The following ATAD2B variants were observed in gnomAD, a reference collection of about 807,000 sequenced individuals.
The protein encoded by ATAD2B is ATPase family AAA domain containing 2B.
ATAD2B carries 40 observed loss-of-function variants against 167.6 expected under a neutral mutation model. The observed-to-expected ratio is 0.24, with a 90% CI of 0.19 to 0.31. ATAD2B has a LOEUF of 0.31. Among genes scored for constraint, ATAD2B ranks in the 10% least tolerant of loss-of-function variants. The pLI, the probability that ATAD2B is intolerant of heterozygous loss-of-function variation, is 1.00. For missense variants in ATAD2B, 1,242 were observed against 1,757.2 expected, an observed-to-expected ratio of 0.71 and a Z score of 5.24; for synonymous variants, 579 against 596.5, an observed-to-expected ratio of 0.97 and a Z score of 0.43.
chr2:23,711,342 CTTTTTTTTTTTTTTTTTTTTTTTTTTT>C, the ATAD2B span, among the ~76,000 whole-genome samples: 18 of 79,792 alleles, frequency 2.3e-4, no homozygotes, highest in African/African-American at 7.9e-4. Flanking sequence ...GAATTTCTTT[CTTTTTTTTTTTTTTTTTTTTTTTTTTT>C]TTTTTTTTTT....
At chr2:23,879,050 A>G (rs1411380222) in intron 7 of ATAD2B, among the ~76,000 whole-genome samples, 1 of 152,178 alleles carries the variant, frequency 6.6e-6, no homozygotes, top group Non-Finnish European at 1.5e-5. Context: ...GCTCTCATAC[A>G]CTCTTAGTGA....
intron 1 of ATAD2B, among the ~76,000 whole-genome samples, chr2:23,897,039 A>C (rs546024810): frequency 6.6e-6 from 1 of 152,318 alleles, no homozygotes; most frequent in Non-Finnish European, 1.5e-5. Flanking sequence ...CTGAAGCACA[A>C]GAATCACTCA....
At chr2:23,683,278 C>G in the ATAD2B span, among the ~76,000 whole-genome samples, 1 of 152,220 alleles carries the variant, frequency 6.6e-6, no homozygotes, top group Non-Finnish European at 1.5e-5. Flanking sequence ...ACACACCTGC[C>G]AAGGGAAATC....
chr2:23,739,364 T>C, the ATAD2B span, among the ~76,000 whole-genome samples: 1 of 152,098 alleles, frequency 6.6e-6, no homozygotes, highest in Non-Finnish European at 1.5e-5. Flanking sequence ...CAGACCACAG[T>C]GCAATCAAAC....
intron 19 of ATAD2B, among the ~76,000 whole-genome samples, chr2:23,793,223 TACTTTCATCAGCATA>T (rs1572775309): frequency 6.6e-6 from 1 of 152,178 alleles, no homozygotes; most frequent in East Asian, 1.9e-4. Context: ...TATGTAATCT[TACTTTCATCAGCATA>T]GCTGAGGAAT....
At chr2:23,889,782 G>C (rs913257589) in intron 2 of ATAD2B, among the ~76,000 whole-genome samples, 1 of 151,788 alleles carries the variant, frequency 6.6e-6, no homozygotes, top group Non-Finnish European at 1.5e-5. Context: ...TGCTGGGCGT[G>C]GTGGCGGGCA....
In ATAD2B at chr2:23,807,824, A is replaced by AT. The variant is rs1384785560; in HGVS notation, c.2454+2491_2454+2492insA. 6.0e-3 allele frequency among the ~76,000 whole-genome samples: 767 copies of AT among 127,368 alleles called. 5 individuals carry two copies. The highest frequency in any genetic ancestry group is 0.018 in the African/African-American group (608 of 33,152). The allele number at this position is 127,368 out of a possible 152,430, so 83.6% of individuals were successfully genotyped here. ...GAGCGTGACTCCATCTTAAAAAAAA[A>AT]AAAAATATATATATATATATAATAA... On this transcript the variant is annotated intron_variant, in intron 18 of 27. Coordinates refer to ENST00000238789, the MANE Select transcript of ATAD2B (RefSeq NM_017552.4).
At chr2:23,683,183 A>G in the ATAD2B span, among the ~76,000 whole-genome samples, 1 of 152,212 alleles carries the variant, frequency 6.6e-6, no homozygotes, top group African/African-American at 2.4e-5. Flanking sequence ...GCCCATGTGG[A>G]CAGCAACAAC....
At position 23,901,877 on chromosome 2, in the gene ATAD2B, T is replaced by C. The variant is rs528732160; in HGVS notation, c.217-5907A>G. 1.1e-4 allele frequency among the ~76,000 whole-genome samples: 16 copies of C among 152,244 alleles called. No homozygotes were observed. In the South Asian group the frequency reaches 1.9e-3, roughly 18 times the overall value. ...CTCTGGAAATAAGTACTATGTACCA[T>C]TGAACTGAAGACAAAAAAAAAAGTA... On this transcript the variant is annotated intron_variant, in intron 1 of 27. Transcript: ENST00000238789.
the ATAD2B span, chr2:23,703,767 T>C: frequency 6.5e-7 from 1 of 1,537,338 alleles, no homozygotes; most frequent in Middle Eastern, 1.7e-4. Flanking sequence ...GTTTTCATCC[T>C]GGGCGGGGCT....
chr2:23,743,507 G>T, the ATAD2B span, among the ~76,000 whole-genome samples: 1 of 149,870 alleles, frequency 6.7e-6, no homozygotes, highest in Admixed American at 6.7e-5. Flanking sequence ...AGGTTACAGT[G>T]AGCCGACATT....
At chr2:23,893,088 G>T (rs1296922235) in intron 2 of ATAD2B, among the ~76,000 whole-genome samples, 1 of 152,084 alleles carries the variant, frequency 6.6e-6, no homozygotes, top group African/African-American at 2.4e-5. Flanking sequence ...TTAAACCCAG[G>T]TTTCACCCCA....
chr2:23,740,230 C>G, the ATAD2B span, among the ~76,000 whole-genome samples: 1 of 152,172 alleles, frequency 6.6e-6, no homozygotes, highest in African/African-American at 2.4e-5. Context: ...ATACCAAAGC[C>G]TGACAGAGAC....
chr2:23,819,961 G>A, intron 16 of ATAD2B, 79 bp from the exon 17 acceptor site: 5 of 1,048,912 alleles, frequency 4.8e-6, no homozygotes, highest in East Asian at 2.6e-5. Context: ...AAGAAAAATT[G>A]GGTTAAAAAA....
intron 19 of ATAD2B, among the ~76,000 whole-genome samples, chr2:23,795,542 A>G (rs1439493677): frequency 1.3e-5 from 2 of 152,146 alleles, no homozygotes; most frequent in Non-Finnish European, 2.9e-5. Flanking sequence ...ATATTTATCA[A>G]TATGTGCTAA....
chr2:23,783,061 A>T, intron 21 of ATAD2B, 33 bp from the exon 22 acceptor site: 1 of 1,200,336 alleles, frequency 8.3e-7, no homozygotes, highest in Non-Finnish European at 1.1e-6. Context: ...AATTACTTCC[A>T]GTTTTTCACA....
rs187759212 is a variant in ATAD2B at position 23,760,499 on chromosome 2, A to G, written c.3394+1710T>C. ...AACATGGTAAAACCCCATCTCTACT[A>G]AAAATACAAAAAAATGAGCCAGGTG... On this transcript the variant is annotated intron_variant, in intron 24 of 27. Coordinates refer to ENST00000238789, the MANE Select transcript of ATAD2B (RefSeq NM_017552.4). 1.8e-3 allele frequency among the ~76,000 whole-genome samples: 277 copies of G among 151,784 alleles called. 1 individual carries two copies. Among genetic ancestry groups the G allele is most frequent in the African/African-American group, 6.4e-3 (266 of 41,346 alleles).
chr2:23,722,680 T>C, the ATAD2B span, among the ~76,000 whole-genome samples: 1 of 151,904 alleles, frequency 6.6e-6, no homozygotes, highest in Admixed American at 6.5e-5. Context: ...GCAGAAAACC[T>C]CCCAAGTCTT....
chr2:23,708,983 A>T, the ATAD2B span, among the ~76,000 whole-genome samples: 1 of 152,184 alleles, frequency 6.6e-6, no homozygotes, highest in Non-Finnish European at 1.5e-5. Context: ...CTAAGAGGAG[A>T]CACAACACAC....
Sources: gnomAD v4.1 joint callset for allele counts (sites outside exome capture counted in the v4.1 genomes callset) on GRCh38, gnomAD v4.1.1 for gene constraint, MANE v1.5 for transcripts, NCBI Gene and HGNC (gene_info 2026-07-23, HGNC 2026-07-21) for gene names.